Variants in ZNF18 observed in about 807,000 individuals in gnomAD.
ZNF18 encodes heart development-specific gene 1 protein.
Under a neutral mutation model 58.1 loss-of-function variants are expected in ZNF18, and 42 were observed. The ratio of observed to expected loss-of-function variants is 0.72; its 90% CI spans 0.56 to 0.93. The LOEUF (loss-of-function observed/expected upper bound fraction) is 0.93, where lower values mean the gene tolerates loss of function less well. Among genes scored for constraint, ZNF18 ranks in the 40% least tolerant of loss-of-function variants. The pLI is 0.00. For synonymous variants in ZNF18, 231 were observed against 239.8 expected (o/e 0.96, Z 0.34); for missense variants, 540 against 644.2 (o/e 0.84, Z 1.75).
chr17:12,017,196 C>CAA, the ZNF18 span, among the ~76,000 whole-genome samples: 1 of 145,588 alleles, frequency 6.9e-6, no homozygotes, highest in Admixed American at 6.9e-5. Flanking sequence ...GACTCTGTCT[C>CAA]AAAAAAAAAA....
chr17:11,984,107 C>T lies in ZNF18; in HGVS notation c.751+6G>A, dbSNP rs951077508. On this transcript the variant is annotated splice_donor_region_variant and intron_variant, in intron 5 of 6. Coordinates refer to ENST00000580306, the MANE Select transcript of ZNF18 (RefSeq NM_001303281.2). The stretch of plus-strand genomic sequence containing the variant: ...CTCCTTCCATCAGACTAACCCACAC[C>T]CTCACCTCCTGAGACCATTTTCCCA... The T allele has an allele frequency of 3.7e-6, 6 of 1,611,276 alleles. No homozygotes were observed. Among genetic ancestry groups the T allele is most frequent in the Admixed American group, 3.4e-5 (2 of 59,498 alleles).
intron 5 of ZNF18, among the ~76,000 whole-genome samples, chr17:11,983,826 C>CGATGAAA (rs1967542013): frequency 1.3e-5 from 2 of 152,148 alleles, no homozygotes; most frequent in African/African-American, 4.8e-5. Context: ...CACTCACTTT[C>CGATGAAA]ATCAGGCTTA....
At chr17:11,997,535 C>CG (rs926138897), upstream of ZNF18, 5 of 152,204 alleles carry the variant, frequency 3.3e-5, no homozygotes, top group African/African-American at 9.6e-5. Context: ...AGCTAGGGGG[C>CG]GGGGGCGGAG....
the ZNF18 span, among the ~76,000 whole-genome samples, chr17:12,020,048 A>G: frequency 1.3e-5 from 2 of 152,224 alleles, no homozygotes; most frequent in Non-Finnish European, 2.9e-5. Context: ...AAGCAATGGA[A>G]GAAACCTCAT....
At chr17:12,017,738 G>A in the ZNF18 span, among the ~76,000 whole-genome samples, 1 of 152,026 alleles carries the variant, frequency 6.6e-6, no homozygotes, top group African/African-American at 2.4e-5. Context: ...TTAACCAGGT[G>A]TGGTGGCACA....
At chr17:11,985,198 A>C (rs1370826435) in intron 4 of ZNF18, among the ~76,000 whole-genome samples, 2 of 152,210 alleles carry the variant, frequency 1.3e-5, no homozygotes, top group Non-Finnish European at 2.9e-5. Flanking sequence ...TTTCCTATGA[A>C]ACGACAGACT....
intron 4 of ZNF18, among the ~76,000 whole-genome samples, chr17:11,985,586 C>T (rs557832208): frequency 5.2e-4 from 79 of 152,252 alleles, no homozygotes; most frequent in African/African-American, 1.8e-3. Context: ...TATGTGCACA[C>T]ATGTAAGTAT....
chr17:11,999,003 T>G (rs1423031013), upstream of ZNF18, among the ~76,000 whole-genome samples: 1 of 152,138 alleles, frequency 6.6e-6, no homozygotes, highest in Admixed American at 6.5e-5. Context: ...ATGTGATTGA[T>G]GGCGCTGCTT....
At position 11,991,176 on chromosome 17, in the gene ZNF18, TATTA is replaced by T; in HGVS notation, c.388-17_388-14del. On this transcript the variant is annotated splice_polypyrimidine_tract_variant and intron_variant, in intron 2 of 6. Transcript: ENST00000580306. ...CCTGGATACTGATCTAGAGACCATA[TATTA>T]ATTAGTAATTACTGAAGAATCCAGA... The T allele has an allele frequency of 6.2e-7, 1 of 1,603,710 alleles. No individual in the cohort carries two copies. The highest frequency in any genetic ancestry group is 1.7e-5 in the Admixed American group (1 of 59,372).
chr17:11,998,095 C>G (rs1336347366), upstream of ZNF18, among the ~76,000 whole-genome samples: 1 of 152,078 alleles, frequency 6.6e-6, no homozygotes, highest in Non-Finnish European at 1.5e-5. Flanking sequence ...CCTGACTCTT[C>G]CCTTCTCCTT....
At chr17:11,994,073 T>G (rs1968315194) in intron 1 of ZNF18, among the ~76,000 whole-genome samples, 1 of 152,124 alleles carries the variant, frequency 6.6e-6, no homozygotes, top group African/African-American at 2.4e-5. Context: ...AATCCTTAAA[T>G]GTTATGAAGA....
intron 4 of ZNF18, 41 bp from the exon 5 acceptor site, chr17:11,984,238 C>T (rs1967577091): frequency 6.4e-7 from 1 of 1,566,778 alleles, no homozygotes; most frequent in East Asian, 2.3e-5. Flanking sequence ...ACCATGACTC[C>T]AATGAAGGTG....
chr17:12,008,105 C>G, the ZNF18 span, among the ~76,000 whole-genome samples: 1 of 152,162 alleles, frequency 6.6e-6, no homozygotes, highest in Non-Finnish European at 1.5e-5. Flanking sequence ...GCCAAGGCAC[C>G]AAACAGAAAC....
In ZNF18 at chr17:11,978,838, TTC is replaced by T. The variant is rs376457871; in HGVS notation, c.863-96_863-95del. The T allele has an allele frequency of 6.5e-5, 38 of 580,982 alleles. 1 individual carries two copies. Among genetic ancestry groups the T allele is most frequent in the South Asian group, 2.4e-4 (6 of 24,940 alleles). 36.0% of individuals were successfully genotyped at this position (580,982 alleles called of 1,614,324 possible). On this transcript the variant is annotated intron_variant, in intron 6 of 6. Transcript: ENST00000580306. ...AGAGGGTCATCATAAAACATTCATT[TTC>T]TTTTTTTTTTTTTTTTTTTTTTTTT...
rs1278843182 is a variant in ZNF18, at chr17:11,977,659, C to G, written c.*298G>C. ...ATCCCATTAAATGCTTCCCAGAAAGCACTTCTAAAACTGGATCTCCAATTT... is the reference window on the plus strand; with the variant it reads ...ATCCCATTAAATGCTTCCCAGAAAGGACTTCTAAAACTGGATCTCCAATTT... On this transcript the variant is annotated 3_prime_UTR_variant, in exon 7 of 7. Coordinates refer to ENST00000580306, the MANE Select transcript of ZNF18 (RefSeq NM_001303281.2). 2.5e-5 allele frequency: 7 copies of G among 285,486 alleles called. No homozygotes were observed. In the East Asian group the frequency reaches 4.6e-4, roughly 19 times the overall value. The allele number at this position is 285,486 out of a possible 1,614,324, so 17.7% of individuals were successfully genotyped here. A position where few individuals can be genotyped will look rare whatever the true frequency, so the allele number is the denominator to read the frequency against.
chr17:12,020,885 C>A, the ZNF18 span: 3 of 1,196,324 alleles, frequency 2.5e-6, no homozygotes, highest in South Asian at 4.2e-5. Context: ...TCACTCCCAA[C>A]AATGGCGGCT....
chr17:11,991,238 T>A (rs1968107361), intron 2 of ZNF18, 75 bp from the exon 3 acceptor site: 2 of 1,273,378 alleles, frequency 1.6e-6, no homozygotes, highest in South Asian at 3.1e-5. Flanking sequence ...AAGCTTACTC[T>A]CTACAACAGA....
chr17:12,020,543 G>A, the ZNF18 span, among the ~76,000 whole-genome samples: 4 of 152,212 alleles, frequency 2.6e-5, no homozygotes, highest in Admixed American at 6.5e-5. Context: ...ACTTTTGGGA[G>A]TCACAGACCT....
At position 11,978,439 on chromosome 17, in the gene ZNF18, T is replaced by C; in HGVS notation, c.1168A>G (p.Lys390Glu). The C allele has an allele frequency of 6.4e-7, 1 of 1,559,012 alleles. No homozygotes were observed. Among genetic ancestry groups the C allele is most frequent in the East Asian group, 2.2e-5 (1 of 44,532 alleles). ...TGCCCCTTCTGGGAGGTCTCTCTCT[T>C]CTCCTCAAGCCACATGGTGGACATT... ...GEMSTMWLEE[K>E]RETSQKGQPR... Residue 390 changes from lysine to glutamate, a missense_variant, in exon 7 of 7, where the codon AAG becomes GAG. Physicochemically the swap from Lys to Glu is moderately conservative, Grantham distance 56. Coordinates refer to ENST00000580306, the MANE Select transcript of ZNF18 (RefSeq NM_001303281.2).
Sources: gnomAD v4.1 joint callset for allele counts (sites outside exome capture counted in the v4.1 genomes callset) on GRCh38, gnomAD v4.1.1 for gene constraint, MANE v1.5 for transcripts, NCBI Gene and HGNC (gene_info 2026-07-23, HGNC 2026-07-21) for gene names.